SH3PXD2A: variants seen among roughly 807,000 people sequenced by gnomAD.
SH3PXD2A encodes SH3 and PX domain-containing protein 2A.
A neutral mutation model predicts 115.2 loss-of-function variants in SH3PXD2A; 32 were observed. That is an observed-to-expected ratio of 0.28 (90% CI 0.21 to 0.37). The LOEUF is 0.37. Among genes scored for constraint, SH3PXD2A ranks in the 10% least tolerant of loss-of-function variants. SH3PXD2A has a pLI of 1.00. For synonymous variants in SH3PXD2A, 610 were observed against 629.1 expected, an observed-to-expected ratio of 0.97 and a Z score of 0.45; for missense variants, 1,328 against 1,498.7, an observed-to-expected ratio of 0.89 and a Z score of 1.88.
At chr10:103,741,729 C>T (rs1041046958) in intron 3 of SH3PXD2A, among the ~76,000 whole-genome samples, 1 of 152,208 alleles carries the variant, frequency 6.6e-6, no homozygotes, top group South Asian at 2.1e-4. Context: ...GGTGCAAAGG[C>T]CTCGTGCTCC....
rs536958492 is a variant in SH3PXD2A, at chr10:103,622,764, C to T, written c.719-211G>A. 3.9e-5 allele frequency among the ~76,000 whole-genome samples: 6 copies of T among 152,294 alleles called. 1 individual carries two copies. In the East Asian group the frequency reaches 7.7e-4, roughly 20 times the overall value. ...CATGGTCGGCACACAGGGAAAAATT[C>T]AACCAAACTCCACAGCGTGTGCCCC... On this transcript the variant is annotated intron_variant, in intron 9 of 14. Transcript: ENST00000369774.
At chr10:103,639,429 G>T (rs2036915091) in intron 8 of SH3PXD2A, among the ~76,000 whole-genome samples, 1 of 151,844 alleles carries the variant, frequency 6.6e-6, no homozygotes, top group Admixed American at 6.6e-5. Context: ...GACCAACATG[G>T]TGAAACCCTG....
intron 6 of SH3PXD2A, among the ~76,000 whole-genome samples, chr10:103,675,011 C>G (rs1444958300): frequency 6.6e-6 from 1 of 152,104 alleles, no homozygotes; most frequent in Admixed American, 6.6e-5. Flanking sequence ...GGCAACTCTA[C>G]AAAAGCTTGT....
chr10:103,668,742 T>A, intron 6 of SH3PXD2A, 90 bp from the exon 7 acceptor site: 2 of 1,208,696 alleles, frequency 1.7e-6, no homozygotes, highest in Non-Finnish European at 2.4e-6. Flanking sequence ...AGTGAGTGGC[T>A]GCAGGCGCCG....
intron 1 of SH3PXD2A, among the ~76,000 whole-genome samples, chr10:103,839,105 G>A (rs2039572996): frequency 6.6e-6 from 1 of 152,180 alleles, no homozygotes; most frequent in East Asian, 1.9e-4. Flanking sequence ...GCCCTTGGCT[G>A]TGGACATAAT....
chr10:103,643,440 C>T (rs1029150293), intron 8 of SH3PXD2A, among the ~76,000 whole-genome samples: 13 of 152,184 alleles, frequency 8.5e-5, no homozygotes, highest in African/African-American at 1.2e-4. Context: ...AAGACATTTT[C>T]CTATGCTACA....
At chr10:103,758,182 T>C (rs555172603) in intron 3 of SH3PXD2A, among the ~76,000 whole-genome samples, 7 of 152,360 alleles carry the variant, frequency 4.6e-5, no homozygotes, top group Non-Finnish European at 7.4e-5. Flanking sequence ...CCACAAGTCC[T>C]GTCTGCCCAG....
At chr10:103,775,743 C>A (rs1366913796) in intron 2 of SH3PXD2A, among the ~76,000 whole-genome samples, 1 of 152,152 alleles carries the variant, frequency 6.6e-6, no homozygotes, top group Non-Finnish European at 1.5e-5. Flanking sequence ...CAGCTGGCAC[C>A]AGGGCTGGAT....
chr10:103,661,183 T>G, intron 7 of SH3PXD2A, 69 bp from the exon 8 acceptor site: 5 of 1,550,848 alleles, frequency 3.2e-6, no homozygotes, highest in Non-Finnish European at 4.4e-6. Flanking sequence ...GCGCCCCCTG[T>G]CCATCGGCCT....
At chr10:103,730,732 G>C (rs2038306151) in intron 4 of SH3PXD2A, among the ~76,000 whole-genome samples, 1 of 152,128 alleles carries the variant, frequency 6.6e-6, no homozygotes, top group Admixed American at 6.5e-5. Flanking sequence ...TTAGGGCTGG[G>C]CTTCCTGTTT....
chr10:103,770,628 A>T (rs754480758), intron 2 of SH3PXD2A, among the ~76,000 whole-genome samples: 7 of 152,192 alleles, frequency 4.6e-5, no homozygotes, highest in Non-Finnish European at 1.0e-4. Context: ...CTTTCGTTGA[A>T]AGCTGACCTG....
intron 6 of SH3PXD2A, among the ~76,000 whole-genome samples, chr10:103,674,144 C>A (rs760059582): frequency 5.5e-4 from 84 of 152,346 alleles, no homozygotes; most frequent in South Asian, 6.2e-4. Flanking sequence ...AGGTTTCCTG[C>A]AGACTCCACG....
At chr10:103,743,949 G>C (rs916905579) in intron 3 of SH3PXD2A, among the ~76,000 whole-genome samples, 1 of 152,216 alleles carries the variant, frequency 6.6e-6, no homozygotes, top group Non-Finnish European at 1.5e-5. Flanking sequence ...AGAGAGCATA[G>C]AGCAGAGAGG....
chr10:103,830,390 A>C (rs2039472477), intron 1 of SH3PXD2A, among the ~76,000 whole-genome samples: 1 of 152,258 alleles, frequency 6.6e-6, no homozygotes, highest in Admixed American at 6.5e-5. Context: ...TCCGGGTATT[A>C]CCAAGTGTTG....
intron 1 of SH3PXD2A, among the ~76,000 whole-genome samples, chr10:103,811,769 C>T (rs1417703783): frequency 2.0e-5 from 3 of 152,190 alleles, no homozygotes; most frequent in African/African-American, 7.2e-5. Context: ...CGGGGATCAG[C>T]ACTCTATTTT....
At chr10:103,660,913 G>C in intron 8 of SH3PXD2A, 70 bp downstream of exon 8, 1 of 1,534,674 alleles carries the variant, frequency 6.5e-7, no homozygotes, top group Non-Finnish European at 9.0e-7. Flanking sequence ...GAGGAGGGAG[G>C]AACAAAAACC....
intron 1 of SH3PXD2A, among the ~76,000 whole-genome samples, chr10:103,803,377 T>C (rs777058669): frequency 4.6e-5 from 7 of 152,234 alleles, no homozygotes; most frequent in Non-Finnish European, 7.3e-5. Context: ...TATCACATGA[T>C]ACATTGTAAA....
At chr10:103,829,187 T>A (rs548432534) in intron 1 of SH3PXD2A, among the ~76,000 whole-genome samples, 27 of 152,314 alleles carry the variant, frequency 1.8e-4, no homozygotes, top group African/African-American at 5.5e-4. Flanking sequence ...TTAATAGTGA[T>A]CTGTAGGATA....
At chr10:103,723,369 C>T (rs1237189027) in intron 5 of SH3PXD2A, among the ~76,000 whole-genome samples, 3 of 152,230 alleles carry the variant, frequency 2.0e-5, no homozygotes, top group South Asian at 2.1e-4. Context: ...CCCACCAGCT[C>T]CTGGGTGGGA....
Sources: gnomAD v4.1 joint callset for allele counts (sites outside exome capture counted in the v4.1 genomes callset) on GRCh38, gnomAD v4.1.1 for gene constraint, MANE v1.5 for transcripts, NCBI Gene and HGNC (gene_info 2026-07-23, HGNC 2026-07-21) for gene names.